The following FAAH2 variants were observed in gnomAD, a reference collection of about 807,000 sequenced individuals.
The protein encoded by FAAH2 is fatty-acid amide hydrolase 2.
In FAAH2, 60 loss-of-function variants were observed where a neutral mutation model predicts 36.9. That is an observed-to-expected ratio of 1.63 (90% CI 1.32 to 2.02). FAAH2 has a LOEUF of 2.02. Ranked by LOEUF, FAAH2 falls within the 30% of genes most tolerant of loss-of-function variation. FAAH2 has a pLI of 0.00. For missense variants in FAAH2, 689 were observed against 397.5 expected (o/e 1.73, Z -6.23); for synonymous variants, 214 against 143.8 (o/e 1.49, Z -3.49).
At position 57,363,174 on chromosome X, in the gene FAAH2, A is replaced by G. The variant is rs138365231; in HGVS notation, c.743-15477A>G. ...GTAAATGGCTTTGGGAAGTATGGCC[A>G]TTTTAACAATATTAATTCTTCAAAT... On this transcript the variant is annotated intron_variant, in intron 5 of 10. Coordinates refer to ENST00000374900, the MANE Select transcript of FAAH2 (RefSeq NM_174912.4). 4.3e-3 allele frequency among the ~76,000 whole-genome samples: 486 copies of G among 112,038 alleles called. 5 individuals are homozygous for G. Among genetic ancestry groups the G allele is most frequent in the Non-Finnish European group, 3.9e-3 (207 of 53,158 alleles).
chrX:57,334,219 G>T (rs891995408), intron 4 of FAAH2, among the ~76,000 whole-genome samples: 23 of 105,007 alleles, frequency 2.2e-4, no homozygotes, highest in Non-Finnish European at 3.3e-4. Context: ...GCAGTGAGCC[G>T]AGATCATGCC....
At chrX:57,299,508 G>T (rs899178428) in intron 2 of FAAH2, among the ~76,000 whole-genome samples, 1 of 111,441 alleles carries the variant, frequency 9.0e-6, no homozygotes, top group African/African-American at 3.3e-5. Context: ...CATACTGAAT[G>T]GACAAAAACT....
the FAAH2 span, among the ~76,000 whole-genome samples, chrX:57,147,244 G>T: frequency 9.0e-6 from 1 of 111,584 alleles, no homozygotes; most frequent in Non-Finnish European, 1.9e-5. Flanking sequence ...CTTGCTGCTT[G>T]TTATTGGTCT....
chrX:57,379,032 C>CT (rs2054765526), intron 6 of FAAH2, among the ~76,000 whole-genome samples: 1 of 111,530 alleles, frequency 9.0e-6, no homozygotes, highest in South Asian at 3.7e-4. Context: ...AACAGTGAAT[C>CT]TTTTTGTTTT....
chrX:57,163,452 C>T, the FAAH2 span, among the ~76,000 whole-genome samples: 2 of 111,946 alleles, frequency 1.8e-5, no homozygotes, highest in Non-Finnish European at 3.8e-5. Flanking sequence ...GGGCGCCCCT[C>T]CCCCAGCCTC....
chrX:57,464,172 T>A (rs1409537440), intron 10 of FAAH2, among the ~76,000 whole-genome samples: 1 of 111,373 alleles, frequency 9.0e-6, no homozygotes, highest in Non-Finnish European at 1.9e-5. Flanking sequence ...AACCAAACAC[T>A]GCATGTTTTT....
the FAAH2 span, among the ~76,000 whole-genome samples, chrX:57,195,652 G>C: frequency 9.0e-6 from 1 of 111,718 alleles, no homozygotes; most frequent in Non-Finnish European, 1.9e-5. Context: ...TTTACTTTTG[G>C]ATTCTTGATC....
At chrX:57,223,089 G>GA in the FAAH2 span, among the ~76,000 whole-genome samples, 3 of 112,017 alleles carry the variant, frequency 2.7e-5, no homozygotes, top group Admixed American at 9.4e-5. Flanking sequence ...CGTCCATCTG[G>GA]AAAAAACGAG....
chrX:57,261,568 A>G, the FAAH2 span, among the ~76,000 whole-genome samples: 11 of 107,802 alleles, frequency 1.0e-4, no homozygotes, highest in Non-Finnish European at 1.2e-4. Context: ...AAAAAAAAAA[A>G]AAAAAAAGAA....
intron 8 of FAAH2, among the ~76,000 whole-genome samples, chrX:57,441,592 G>A (rs770725747): frequency 2.0e-5 from 2 of 101,887 alleles, no homozygotes; most frequent in African/African-American, 3.5e-5. Flanking sequence ...TTTTTTTTTT[G>A]TGTGTGTCTA....
the FAAH2 span, among the ~76,000 whole-genome samples, chrX:57,218,170 T>G: frequency 8.9e-6 from 1 of 112,002 alleles, no homozygotes; most frequent in East Asian, 2.8e-4. Flanking sequence ...TCCTCTTTAC[T>G]GATTTGGATG....
At chrX:57,162,451 C>T in the FAAH2 span, among the ~76,000 whole-genome samples, 3 of 111,858 alleles carry the variant, frequency 2.7e-5, no homozygotes, top group Non-Finnish European at 3.8e-5. Context: ...TATCCTGCAG[C>T]GTGTTTTCCA....
At chrX:57,431,771 G>GTTTTTTTTTTTTTTTTT (rs1218617071) in intron 7 of FAAH2, 147 bp from the exon 8 acceptor site, 22 of 202,053 alleles carry the variant, frequency 1.1e-4, no homozygotes, top group African/African-American at 1.0e-3. Flanking sequence ...TTGTTTTTTT[G>GTTTTTTTTTTTTTTTTT]TTTTTTTGTT....
the FAAH2 span, among the ~76,000 whole-genome samples, chrX:57,182,436 G>A: frequency 8.9e-6 from 1 of 111,748 alleles, no homozygotes; most frequent in East Asian, 2.8e-4. Context: ...AAACATGCAT[G>A]CAGCCAACAA....
chrX:57,207,156 A>G, the FAAH2 span, among the ~76,000 whole-genome samples: 1 of 110,905 alleles, frequency 9.0e-6, no homozygotes, highest in Non-Finnish European at 1.9e-5. Context: ...CATTTTATGC[A>G]TCATATGTTG....
the FAAH2 span, among the ~76,000 whole-genome samples, chrX:57,280,383 A>G: frequency 3.6e-5 from 4 of 111,751 alleles, no homozygotes; most frequent in Non-Finnish European, 7.5e-5. Context: ...AAAAAATCCA[A>G]TTAGAAAATG....
intron 3 of FAAH2, among the ~76,000 whole-genome samples, chrX:57,325,575 T>A (rs1476891933): frequency 1.9e-5 from 2 of 107,982 alleles, no homozygotes; most frequent in Non-Finnish European, 3.8e-5. Flanking sequence ...TGGGACAGTG[T>A]AGGTGTCGAG....
chrX:57,128,360 T>A, the FAAH2 span, among the ~76,000 whole-genome samples: 1 of 111,592 alleles, frequency 9.0e-6, no homozygotes, highest in African/African-American at 3.2e-5. Context: ...AAGAAAAATT[T>A]AAAAAATTAA....
chrX:57,467,453 A>G (rs370387161), intron 10 of FAAH2, among the ~76,000 whole-genome samples: 4 of 112,048 alleles, frequency 3.6e-5, no homozygotes, highest in East Asian at 5.7e-4. Flanking sequence ...AGGAGATTAT[A>G]TCCTGCACCT....
Sources: gnomAD v4.1 joint callset for allele counts (sites outside exome capture counted in the v4.1 genomes callset) on GRCh38, gnomAD v4.1.1 for gene constraint, MANE v1.5 for transcripts, NCBI Gene and HGNC (gene_info 2026-07-23, HGNC 2026-07-21) for gene names.